Variants in KCTD1 observed in about 807,000 individuals in gnomAD.
The protein encoded by KCTD1 is BTB/POZ domain-containing protein KCTD1.
Under a neutral mutation model 66.0 loss-of-function variants are expected in KCTD1, and 24 were observed. The ratio of observed to expected loss-of-function variants is 0.36; its 90% CI spans 0.26 to 0.51. KCTD1 has a LOEUF of 0.51. Ranked by LOEUF, KCTD1 falls within the 20% of genes least tolerant of loss-of-function variation. The pLI, the probability that KCTD1 is intolerant of heterozygous loss-of-function variation, is 0.95. For synonymous variants in KCTD1, 511 were observed against 517.2 expected (o/e 0.99, Z 0.16); for missense variants, 943 against 1,205.2 (o/e 0.78, Z 3.22).
At chr18:26,510,781 A>G (rs1290517195) in intron 1 of KCTD1, among the ~76,000 whole-genome samples, 2 of 152,246 alleles carry the variant, frequency 1.3e-5, no homozygotes, top group East Asian at 3.8e-4. Context: ...ACACTAGAGA[A>G]TATTTTAAAT....
chr18:26,461,748 ATGCTAT>A (rs1256322950), intron 3 of KCTD1, among the ~76,000 whole-genome samples: 3 of 152,250 alleles, frequency 2.0e-5, no homozygotes, highest in Non-Finnish European at 4.4e-5. Context: ...GCGAGAACTT[ATGCTAT>A]TGCTTTTTAT....
At chr18:26,471,054 G>A (rs1283793399) in intron 3 of KCTD1, among the ~76,000 whole-genome samples, 1 of 152,128 alleles carries the variant, frequency 6.6e-6, no homozygotes, top group Non-Finnish European at 1.5e-5. Context: ...AAGAAGCCAT[G>A]GCTGCTCATT....
upstream of KCTD1, among the ~76,000 whole-genome samples, chr18:26,550,322 C>T (rs1403812886): frequency 6.6e-6 from 1 of 152,042 alleles, no homozygotes; most frequent in African/African-American, 2.4e-5. The surrounding 1 kb of genome is among the most constrained non-coding windows in gnomAD (Gnocchi z 5.4). Flanking sequence ...TGAAACCCAT[C>T]CATCAATTTG....
intron 2 of KCTD1, among the ~76,000 whole-genome samples, chr18:26,491,336 C>T (rs1028094651): frequency 2.0e-5 from 3 of 152,242 alleles, no homozygotes; most frequent in East Asian, 1.9e-4. Flanking sequence ...CCATTCTTTC[C>T]GGTGGGCACA....
At chr18:26,591,708 G>T (rs1272845407) in intron 1 of KCTD1, among the ~76,000 whole-genome samples, 1 of 152,154 alleles carries the variant, frequency 6.6e-6, no homozygotes, top group Non-Finnish European at 1.5e-5. Context: ...TTACCCTTAA[G>T]TCCTGCCTAA....
intron 1 of KCTD1, among the ~76,000 whole-genome samples, chr18:26,532,249 T>TTTC (rs1224972262): frequency 3.1e-5 from 4 of 131,052 alleles, no homozygotes; most frequent in Admixed American, 7.8e-5. Context: ...TTTCTTTTTC[T>TTTC]TTTCTTTCCT....
At chr18:26,490,813 T>C (rs1348214109) in intron 2 of KCTD1, among the ~76,000 whole-genome samples, 1 of 152,078 alleles carries the variant, frequency 6.6e-6, no homozygotes, top group Admixed American at 6.5e-5. Flanking sequence ...AGTACAGTAG[T>C]GTGATCTCGG....
intron 1 of KCTD1, among the ~76,000 whole-genome samples, chr18:26,574,910 T>C (rs576802967): frequency 5.3e-5 from 8 of 152,150 alleles, no homozygotes; most frequent in Non-Finnish European, 1.2e-4. Flanking sequence ...TCAATTATAG[T>C]GATATCTTTG....
Position 26,620,366 on chromosome 18 carries a change from A to C in KCTD1, c.-16+8781T>G, listed in dbSNP as rs1217690216. On this transcript the variant is annotated intron_variant, in intron 1 of 4. Coordinates refer to the KCTD1 transcript ENST00000317932. ...TAAATCTTAAAAAAAAAAAAAAAAA[A>C]AAAAAAAAAAAAAAAAAAACTATAA... 6.2e-3 allele frequency among the ~76,000 whole-genome samples: 791 copies of C among 127,892 alleles called. 19 individuals are homozygous for C. The highest frequency in any genetic ancestry group is 0.015 in the South Asian group (63 of 4,166). 83.9% of individuals were successfully genotyped at this position (127,892 alleles called of 152,430 possible). A position where few individuals can be genotyped will look rare whatever the true frequency, so the allele number is the denominator to read the frequency against.
intron 1 of KCTD1, chr18:26,600,324 CA>C: frequency 6.5e-7 from 1 of 1,540,450 alleles, no homozygotes; most frequent in Non-Finnish European, 9.0e-7. Flanking sequence ...TGAGCAATAG[CA>C]ATCTTCATGA....
intron 1 of KCTD1, among the ~76,000 whole-genome samples, chr18:26,612,379 A>G (rs1239922160): frequency 6.6e-6 from 1 of 152,184 alleles, no homozygotes; most frequent in African/African-American, 2.4e-5. Flanking sequence ...CCAGTACCTC[A>G]GAATGTAACT....
intron 2 of KCTD1, among the ~76,000 whole-genome samples, chr18:26,482,579 G>A (rs568447661): frequency 6.6e-6 from 1 of 152,322 alleles, no homozygotes; most frequent in African/African-American, 2.4e-5. Flanking sequence ...TTAGCTTGAA[G>A]AGGCTGCCAA....
At chr18:26,559,118 T>C (rs1296479183) in intron 1 of KCTD1, among the ~76,000 whole-genome samples, 2 of 151,652 alleles carry the variant, frequency 1.3e-5, no homozygotes, top group African/African-American at 2.4e-5. Context: ...AGTGGGGTGG[T>C]TGGGGGAGTG....
At chr18:26,657,077 C>T (rs1988169997) in intron 1 of KCTD1, among the ~76,000 whole-genome samples, 1 of 151,664 alleles carries the variant, frequency 6.6e-6, no homozygotes, top group Non-Finnish European at 1.5e-5. Flanking sequence ...CCCTGCTGGC[C>T]GCACCCGCTC....
At chr18:26,549,711 T>G (rs921426152), upstream of KCTD1, 6 of 985,190 alleles carry the variant, frequency 6.1e-6, no homozygotes, top group East Asian at 5.7e-4. Flanking sequence ...GCAATTCGGA[T>G]CCGGAGCGCA....
chr18:26,557,137 T>C (rs1985725536), intron 1 of KCTD1, among the ~76,000 whole-genome samples: 1 of 152,188 alleles, frequency 6.6e-6, no homozygotes, highest in Non-Finnish European at 1.5e-5. Flanking sequence ...TTTCTCATGG[T>C]TATCTTAGTG....
Position 26,486,101 on chromosome 18 carries a change from G to A in KCTD1, c.1989-9442C>T, listed in dbSNP as rs530403124. ...CTAATTTTTGTATTTTAATAGAGAC[G>A]GGGTTTCACCATGTTAGCCCCCATG... On this transcript the variant is annotated intron_variant, in intron 2 of 4. Coordinates refer to ENST00000580059, the MANE Select transcript of KCTD1 (RefSeq NM_001142730.3). Among the ~76,000 whole-genome samples, 70 of 152,180 alleles carry A rather than the reference G, an allele frequency of 4.6e-4. 2 individuals are homozygous for A. The highest frequency in any genetic ancestry group is 2.5e-4 in the Non-Finnish European group (17 of 68,002).
upstream of KCTD1, among the ~76,000 whole-genome samples, chr18:26,629,895 A>G (rs1313873304): frequency 6.6e-6 from 1 of 151,826 alleles, no homozygotes; most frequent in South Asian, 2.1e-4. Context: ...TTTTTGTATT[A>G]TTAGTAGAGA....
upstream of KCTD1, among the ~76,000 whole-genome samples, chr18:26,550,435 C>T (rs1985510053): frequency 6.6e-6 from 1 of 152,088 alleles, no homozygotes. The surrounding 1 kb of genome is among the most constrained non-coding windows in gnomAD (Gnocchi z 5.4). Flanking sequence ...CGCTGCTGGT[C>T]CTCCGCGTGC....
Sources: allele counts gnomAD v4.1 joint callset (sites outside exome capture counted in the v4.1 genomes callset), GRCh38; gene constraint gnomAD v4.1.1; non-coding constraint Gnocchi (gnomAD v3.1); transcripts MANE v1.5; gene names NCBI Gene and HGNC (gene_info 2026-07-23, HGNC 2026-07-21).